CACNA1E: variants seen among roughly 807,000 people sequenced by gnomAD.
CACNA1E encodes calcium voltage-gated channel subunit alpha1 E.
Under a neutral mutation model 259.2 loss-of-function variants are expected in CACNA1E, and 40 were observed. That is an observed-to-expected ratio of 0.15 (90% CI 0.12 to 0.20). The LOEUF (loss-of-function observed/expected upper bound fraction) is 0.20. CACNA1E is among the 10% of genes least tolerant of loss of function. The pLI, the probability that CACNA1E is intolerant of heterozygous loss-of-function variation, is 1.00. For missense variants in CACNA1E, 1,874 were observed against 3,040.1 expected (o/e 0.62, Z 9.02); for synonymous variants, 1,104 against 1,138.5 (o/e 0.97, Z 0.61).
intron 1 of CACNA1E, among the ~76,000 whole-genome samples, chr1:181,508,961 A>G (rs1031408885): frequency 1.3e-5 from 2 of 151,832 alleles, no homozygotes; most frequent in Non-Finnish European, 2.9e-5. Flanking sequence ...AGGGCAGCAG[A>G]GGCCCGTGGA....
At chr1:181,343,963 C>A (rs1652390330) in intron 1 of CACNA1E, among the ~76,000 whole-genome samples, 1 of 152,192 alleles carries the variant, frequency 6.6e-6, no homozygotes, top group Non-Finnish European at 1.5e-5. Flanking sequence ...TCCCTACCCC[C>A]CTCACCTGGC....
At position 181,396,230 on chromosome 1, in the gene CACNA1E, A is replaced by G. The variant is rs369718030; in HGVS notation, c.-14-16903A>G. On this transcript the variant is annotated intron_variant, in intron 1 of 11. Coordinates refer to the CACNA1E transcript ENST00000524607. Reference sequence around the variant, plus strand: ...GGAGAGCACCCCAGACGGAAGCCACAGTCTTTTGTACCTAACTGTGGTAGT... The same window carrying G: ...GGAGAGCACCCCAGACGGAAGCCACGGTCTTTTGTACCTAACTGTGGTAGT... 5.9e-5 allele frequency among the ~76,000 whole-genome samples: 9 copies of G among 152,346 alleles called. No homozygotes were observed. The East Asian group carries it at 9.6e-4, about 16-fold the overall frequency.
At chr1:181,556,210 T>A (rs1648703983) in intron 3 of CACNA1E, among the ~76,000 whole-genome samples, 1 of 152,182 alleles carries the variant, frequency 6.6e-6, no homozygotes, top group Non-Finnish European at 1.5e-5. Context: ...TCTTACTAGA[T>A]GTCTTGCATC....
rs760330066 is a variant in CACNA1E, at chr1:181,505,678, CT to C, written c.267-4788del. Among the ~76,000 whole-genome samples, 231 of 146,062 alleles carry C rather than the reference CT, an allele frequency of 1.6e-3. 2 individuals are homozygous for C. The East Asian group carries it at 0.035, about 22-fold the overall frequency. ...CGTGAGCCACCGCACCTGGCCTTCT[CT>C]TTTTTTTTTTAAACATGAAAGGGAT... is the stretch of plus-strand genomic sequence containing the variant. On this transcript the variant is annotated intron_variant, in intron 1 of 47. Transcript: ENST00000367573.
intron 1 of CACNA1E, among the ~76,000 whole-genome samples, chr1:181,385,778 C>A (rs889068912): frequency 1.3e-5 from 2 of 151,126 alleles, no homozygotes; most frequent in Non-Finnish European, 3.0e-5. Flanking sequence ...TTACTTCCCT[C>A]CCTCCTTTCT....
chr1:181,514,477 G>A (rs1231355528), intron 3 of CACNA1E, among the ~76,000 whole-genome samples: 1 of 152,108 alleles, frequency 6.6e-6, no homozygotes, highest in Non-Finnish European at 1.5e-5. Context: ...TTTTGATCCA[G>A]GGCTGGTGTT....
intron 1 of CACNA1E, among the ~76,000 whole-genome samples, chr1:181,350,053 C>T (rs757406919): frequency 1.3e-5 from 2 of 152,084 alleles, no homozygotes; most frequent in African/African-American, 2.4e-5. Flanking sequence ...GACCCCTGCA[C>T]CCTGGCCAGG....
At chr1:181,520,529 CT>C (rs1666921618) in intron 3 of CACNA1E, among the ~76,000 whole-genome samples, 1 of 152,010 alleles carries the variant, frequency 6.6e-6, no homozygotes. Context: ...GGTCATTTAT[CT>C]CTATAAAACT....
chr1:181,676,384 T>C (rs1649381400), intron 7 of CACNA1E, among the ~76,000 whole-genome samples: 1 of 152,162 alleles, frequency 6.6e-6, no homozygotes, highest in Non-Finnish European at 1.5e-5. Flanking sequence ...TATGTTTCCA[T>C]AATATAATCG....
chr1:181,370,974 G>T lies in CACNA1E; in HGVS notation c.-14-42159G>T, dbSNP rs1654666219. 3.9e-5 allele frequency among the ~76,000 whole-genome samples: 6 copies of T among 152,292 alleles called. No individual in the cohort carries two copies. In the South Asian group the frequency reaches 1.2e-3, roughly 32 times the overall value. On this transcript the variant is annotated intron_variant, in intron 1 of 11. Transcript: ENST00000524607. ...TTTAATAATAACCATTCTGATTGGT[G>T]TGAGATGGTATCTCATTGTGGTTTT... is the stretch of plus-strand genomic sequence containing the variant.
intron 3 of CACNA1E, among the ~76,000 whole-genome samples, chr1:181,532,099 T>G (rs2102734994): frequency 6.6e-6 from 1 of 152,014 alleles, no homozygotes; most frequent in South Asian, 2.1e-4. Flanking sequence ...TGACATGGAG[T>G]GGGGTCCTTT....
intron 17 of CACNA1E, among the ~76,000 whole-genome samples, chr1:181,725,658 G>A (rs1002896662): frequency 1.3e-5 from 2 of 152,218 alleles, no homozygotes; most frequent in South Asian, 2.1e-4. Context: ...TTTACTTGGC[G>A]GGGTCCTTGC....
rs1014201372 is a variant in CACNA1E, at chr1:181,807,982, TTGA to T, written c.*9153_*9155del. Reference sequence around the variant, plus strand: ...TTGGTTTGTAAGCCATTTACATGGATTGATGATTTCTGTTCTTGTTTTCTTCTA... The same window carrying T: ...TTGGTTTGTAAGCCATTTACATGGATTGATTTCTGTTCTTGTTTTCTTCTA... On this transcript the variant is annotated 3_prime_UTR_variant, in exon 48 of 48. Transcript: ENST00000367573. 18 of 152,328 alleles carry T rather than the reference TTGA, an allele frequency of 1.2e-4. No homozygotes were observed. The highest frequency in any genetic ancestry group is 9.7e-4 in the East Asian group (5 of 5,168). The allele number at this position is 152,328 out of a possible 1,614,324, so 9.4% of individuals were successfully genotyped here. A position where few individuals can be genotyped will look rare whatever the true frequency, so the allele number is the denominator to read the frequency against.
At chr1:181,560,734 G>A (rs1478056615) in intron 3 of CACNA1E, among the ~76,000 whole-genome samples, 2 of 152,094 alleles carry the variant, frequency 1.3e-5, no homozygotes, top group Admixed American at 6.5e-5. Context: ...TCCACTTCTG[G>A]GTATGTACCC....
intron 2 of CACNA1E, among the ~76,000 whole-genome samples, chr1:181,461,810 TG>T (rs2102377871): frequency 6.6e-6 from 1 of 152,264 alleles, no homozygotes; most frequent in South Asian, 2.1e-4. Context: ...ATTTTACATT[TG>T]TTATAGAAAA....
At chr1:181,796,959 C>G in intron 47 of CACNA1E, 101 bp downstream of exon 47, 1 of 781,768 alleles carries the variant, frequency 1.3e-6, no homozygotes, top group Non-Finnish European at 2.0e-6. Context: ...CATTCAAGTA[C>G]CCACAAAGAC....
Position 181,785,401 on chromosome 1 carries a change from C to A in CACNA1E, c.5662C>A (p.Gln1888Lys). 1 of 1,610,482 alleles carries A rather than the reference C, an allele frequency of 6.2e-7. No homozygotes were observed. The highest frequency in any genetic ancestry group is 8.5e-7 in the Non-Finnish European group (1 of 1,177,132). Reference sequence around the variant, plus strand: ...GCAGAGTAAGGTGAAGAAGCAGAGGCAGCAGCTGGAGGAACAGGTGAAAGT... The same window carrying A: ...GCAGAGTAAGGTGAAGAAGCAGAGGAAGCAGCTGGAGGAACAGGTGAAAGT... Reference protein sequence around the residue: ...YKQSKVKKQRQQLEEQKNAPM... With the variant: ...YKQSKVKKQRKQLEEQKNAPM... Residue 1888 changes from glutamine (Q) to lysine (K), a missense_variant, in exon 42 of 48, where the codon CAG becomes AAG. Coordinates refer to ENST00000367573, the MANE Select transcript of CACNA1E (RefSeq NM_001205293.3).
chr1:181,429,091 A>G (rs532983264), intron 2 of CACNA1E, among the ~76,000 whole-genome samples: 5 of 152,320 alleles, frequency 3.3e-5, no homozygotes, highest in South Asian at 2.1e-4. Flanking sequence ...CTGAGGCAAG[A>G]GAATCGCTTG....
At chr1:181,364,741 G>C (rs1047636116) in intron 1 of CACNA1E, among the ~76,000 whole-genome samples, 7 of 152,214 alleles carry the variant, frequency 4.6e-5, no homozygotes, top group Non-Finnish European at 1.0e-4. Context: ...ATACAATACA[G>C]TGTGGTTCTG....
Sources: allele counts gnomAD v4.1 joint callset (sites outside exome capture counted in the v4.1 genomes callset), GRCh38; gene constraint gnomAD v4.1.1; transcripts MANE v1.5; gene names NCBI Gene and HGNC (gene_info 2026-07-23, HGNC 2026-07-21).